SNX24: variants seen among roughly 807,000 people sequenced by gnomAD.
The protein encoded by SNX24 is sorting nexin-24.
A neutral mutation model predicts 28.7 loss-of-function variants in SNX24; 22 were observed. The observed-to-expected ratio is 0.77, with a 90% CI of 0.55 to 1.10. The LOEUF (loss-of-function observed/expected upper bound fraction) is 1.10. Among genes scored for constraint, SNX24 ranks in the 50% least tolerant of loss-of-function variants. The pLI is 0.00. For synonymous variants in SNX24, 69 were observed against 71.5 expected, an observed-to-expected ratio of 0.96 and a Z score of 0.18; for missense variants, 221 against 201.1, an observed-to-expected ratio of 1.10 and a Z score of -0.60.
chr5:122,887,282 C>T (rs1756762037), intron 1 of SNX24, among the ~76,000 whole-genome samples: 1 of 152,136 alleles, frequency 6.6e-6, no homozygotes, highest in Non-Finnish European at 1.5e-5. Flanking sequence ...TCTGTTGTTG[C>T]TGGTAAGAAG....
chr5:122,958,435 G>T (rs1320604490), intron 3 of SNX24, among the ~76,000 whole-genome samples: 1 of 151,924 alleles, frequency 6.6e-6, no homozygotes, highest in African/African-American at 2.4e-5. Context: ...TGTATTTTTA[G>T]TAGAGACGGG....
chr5:122,922,472 C>T (rs535707502), intron 1 of SNX24, among the ~76,000 whole-genome samples: 3 of 152,050 alleles, frequency 2.0e-5, no homozygotes, highest in Non-Finnish European at 2.9e-5. Context: ...ACGCTGGTCT[C>T]GAACTCCTGA....
rs911369268 is a variant in SNX24 at position 123,007,909 on chromosome 5, G to A, written c.*160G>A. Reference sequence around the variant, plus strand: ...ATTCAGGGCAGGGACATTTCCATTAGAATGGTGCTCTTAAAAATAGAAACT... The same window carrying A: ...ATTCAGGGCAGGGACATTTCCATTAAAATGGTGCTCTTAAAAATAGAAACT... On this transcript the variant is annotated 3_prime_UTR_variant, in exon 7 of 7. Transcript: ENST00000261369. 7 of 1,430,730 alleles carry A rather than the reference G, an allele frequency of 4.9e-6. No individual in the cohort carries two copies. Among genetic ancestry groups the A allele is most frequent in the South Asian group, 3.0e-5 (2 of 66,940 alleles). The allele number at this position is 1,430,730 out of a possible 1,614,324, so 88.6% of individuals were successfully genotyped here. A position where few individuals can be genotyped will look rare whatever the true frequency, so the allele number is the denominator to read the frequency against.
chr5:123,014,222 A>G (rs979421669), intron 5 of SNX24, among the ~76,000 whole-genome samples: 14 of 151,946 alleles, frequency 9.2e-5, no homozygotes, highest in Admixed American at 1.3e-4. Context: ...GCTGGAGTAC[A>G]GTGGCATGAT....
At chr5:122,874,015 C>A (rs1301780107) in intron 1 of SNX24, among the ~76,000 whole-genome samples, 2 of 152,150 alleles carry the variant, frequency 1.3e-5, no homozygotes, top group Non-Finnish European at 2.9e-5. Context: ...TGTGATCCAC[C>A]CGCCCTGGCC....
In SNX24 at chr5:122,845,679, G is replaced by A. The variant is rs767085137; in HGVS notation, c.46G>A (p.Glu16Lys). The A allele has an allele frequency of 7.0e-7, 1 of 1,422,362 alleles. No homozygotes were observed. The highest frequency in any genetic ancestry group is 9.3e-7 in the Non-Finnish European group (1 of 1,078,942). 88.1% of individuals were successfully genotyped at this position (1,422,362 alleles called of 1,614,324 possible). A position where few individuals can be genotyped will look rare whatever the true frequency, so the allele number is the denominator to read the frequency against. The part of the protein sequence containing the change: ...PSFRYEESDL[E>K]RGYTVFKIEV... ...CTTTCGCTATGAAGAGAGCGACCTG[G>A]AGCGGGGATACACGGTAGGCGCGGG... The change falls in exon 1 of 7, where the codon GAG (glutamate) becomes AAG (lysine). Residue 16 changes from glutamate to lysine, a missense_variant. By Grantham distance (56) the Glu-to-Lys change is moderately conservative. Transcript: ENST00000261369.
chr5:122,991,223 A>AT (rs534306030), intron 3 of SNX24, among the ~76,000 whole-genome samples: 11 of 150,222 alleles, frequency 7.3e-5, no homozygotes, highest in Admixed American at 2.0e-4. Context: ...ATTTATTTGG[A>AT]TTTTTTTTTT....
In SNX24 at chr5:123,001,399, T is replaced by A; in HGVS notation, c.345-6T>A. On this transcript the variant is annotated splice_region_variant and splice_polypyrimidine_tract_variant and intron_variant, in intron 4 of 6. Transcript: ENST00000261369. ...TTTTGTTTTTTTCCTTTTTCAAAAC[T>A]TTTAGATCTTTTGATGAAACAGAGT... The A allele has an allele frequency of 6.3e-7, 1 of 1,598,492 alleles. No individual in the cohort carries two copies. The highest frequency in any genetic ancestry group is 8.6e-7 in the Non-Finnish European group (1 of 1,167,368).
intron 6 of SNX24, among the ~76,000 whole-genome samples, chr5:123,003,229 G>A (rs1182816918): frequency 6.6e-6 from 1 of 152,126 alleles, no homozygotes; most frequent in East Asian, 1.9e-4. Flanking sequence ...CCCTAGGAAG[G>A]GTTGAGGGAC....
intron 1 of SNX24, among the ~76,000 whole-genome samples, chr5:122,909,215 G>T (rs1354305075): frequency 6.6e-6 from 1 of 152,056 alleles, no homozygotes; most frequent in African/African-American, 2.4e-5. Flanking sequence ...TAGAATGAGG[G>T]GTTTTGAAAT....
chr5:122,961,307 G>T (rs528507941), intron 3 of SNX24, among the ~76,000 whole-genome samples: 1 of 152,192 alleles, frequency 6.6e-6, no homozygotes, highest in Non-Finnish European at 1.5e-5. Context: ...TCTTACCAAG[G>T]ATTTCCTTTA....
chr5:122,895,469 C>G (rs1168820583), intron 1 of SNX24, among the ~76,000 whole-genome samples: 1 of 152,218 alleles, frequency 6.6e-6, no homozygotes, highest in Non-Finnish European at 1.5e-5. Flanking sequence ...TATCCCACAT[C>G]TTGGACCAAG....
chr5:122,933,885 C>A (rs6885763), intron 1 of SNX24, among the ~76,000 whole-genome samples: 3 of 151,712 alleles, frequency 2.0e-5, no homozygotes, highest in Non-Finnish European at 4.4e-5. Flanking sequence ...TGGGTTCAAG[C>A]GATTCTCCTG....
At chr5:122,947,271 C>T (rs147211693) in intron 3 of SNX24, among the ~76,000 whole-genome samples, 1 of 152,032 alleles carries the variant, frequency 6.6e-6, no homozygotes, top group Non-Finnish European at 1.5e-5. Context: ...GCTAGTATGC[C>T]ATTTCTTCTA....
chr5:122,952,553 C>A (rs1047716319), intron 3 of SNX24, among the ~76,000 whole-genome samples: 1 of 152,126 alleles, frequency 6.6e-6, no homozygotes, highest in African/African-American at 2.4e-5. Flanking sequence ...GGAAACCTAC[C>A]CAAGCCACCC....
chr5:122,954,451 G>A (rs1001293537), intron 3 of SNX24, among the ~76,000 whole-genome samples: 2 of 151,708 alleles, frequency 1.3e-5, no homozygotes, highest in Non-Finnish European at 2.9e-5. Flanking sequence ...TCAGCCATCG[G>A]TGCTATCACT....
chr5:122,860,546 A>G (rs1011570520), intron 1 of SNX24, among the ~76,000 whole-genome samples: 1 of 152,220 alleles, frequency 6.6e-6, no homozygotes, highest in African/African-American at 2.4e-5. Context: ...GGGCACTAAC[A>G]GTGAGAGGTG....
intron 1 of SNX24, chr5:122,890,945 C>G: frequency 2.4e-6 from 3 of 1,237,786 alleles, no homozygotes; most frequent in Non-Finnish European, 3.1e-6. Context: ...GATTTTTCTG[C>G]AAGGATTTTA....
intron 1 of SNX24, among the ~76,000 whole-genome samples, chr5:122,866,069 G>T (rs1755706199): frequency 6.6e-6 from 1 of 152,172 alleles, no homozygotes; most frequent in Non-Finnish European, 1.5e-5. Flanking sequence ...ACATATTTTT[G>T]TAACAAAATA....
Sources: allele counts gnomAD v4.1 joint callset (sites outside exome capture counted in the v4.1 genomes callset), GRCh38; gene constraint gnomAD v4.1.1; transcripts MANE v1.5; gene names NCBI Gene and HGNC (gene_info 2026-07-23, HGNC 2026-07-21).